Variants in VWC2L observed in about 807,000 individuals in gnomAD.
VWC2L encodes von Willebrand factor C domain containing 2 like, also known as von Willebrand factor C domain-containing protein 2-like.
Under a neutral mutation model 21.6 loss-of-function variants are expected in VWC2L, and 10 were observed. The ratio of observed to expected loss-of-function variants is 0.46; its 90% CI spans 0.29 to 0.78. The LOEUF is 0.78. Ranked by LOEUF, VWC2L falls within the 30% of genes least tolerant of loss-of-function variation. VWC2L has a pLI of 0.10. For synonymous variants in VWC2L, 96 were observed against 94.3 expected, an observed-to-expected ratio of 1.02 and a Z score of -0.10; for missense variants, 209 against 277.1, an observed-to-expected ratio of 0.75 and a Z score of 1.74.
At chr2:214,461,254 C>T (rs1298812604) in intron 3 of VWC2L, among the ~76,000 whole-genome samples, 2 of 152,138 alleles carry the variant, frequency 1.3e-5, no homozygotes, top group Non-Finnish European at 2.9e-5. Flanking sequence ...GCAGCTTGCT[C>T]AGGGGCCAGA....
At chr2:214,571,468 T>A (rs867055966) in intron 3 of VWC2L, among the ~76,000 whole-genome samples, 1 of 152,226 alleles carries the variant, frequency 6.6e-6, no homozygotes, top group Non-Finnish European at 1.5e-5. Context: ...TCATTCATTA[T>A]CAAATACTCC....
intron 3 of VWC2L, among the ~76,000 whole-genome samples, chr2:214,573,590 C>T (rs1436989126): frequency 6.6e-6 from 1 of 152,092 alleles, no homozygotes; most frequent in Non-Finnish European, 1.5e-5. Flanking sequence ...ACTGGCTGGG[C>T]TGAGAGAGGT....
intron 3 of VWC2L, among the ~76,000 whole-genome samples, chr2:214,555,712 T>G (rs1689863140): frequency 6.6e-6 from 1 of 152,176 alleles, no homozygotes; most frequent in South Asian, 2.1e-4. Context: ...GTAAAACTCA[T>G]TTTCACAAGC....
intron 3 of VWC2L, among the ~76,000 whole-genome samples, chr2:214,497,937 A>G (rs1359526736): frequency 2.6e-5 from 4 of 152,212 alleles, no homozygotes. Context: ...ATGAATAAAA[A>G]CCCAAATCTC....
chr2:214,552,732 ATCCACTTTC>A (rs1219099254), intron 3 of VWC2L, among the ~76,000 whole-genome samples: 2 of 152,126 alleles, frequency 1.3e-5, no homozygotes, highest in African/African-American at 2.4e-5. Context: ...CTTCATAGGA[ATCCACTTTC>A]ATGAATTCAA....
At chr2:214,412,580 G>A (rs958557441) in intron 1 of VWC2L, among the ~76,000 whole-genome samples, 8 of 151,736 alleles carry the variant, frequency 5.3e-5, no homozygotes, top group African/African-American at 1.5e-4. Context: ...AGAAATCATC[G>A]GCTTTATTAC....
chr2:214,412,560 A>G (rs1702295155), intron 1 of VWC2L, among the ~76,000 whole-genome samples: 1 of 152,080 alleles, frequency 6.6e-6, no homozygotes, highest in Admixed American at 6.6e-5. Context: ...TATTTTTGAC[A>G]TATTTTATAA....
At position 214,443,542 on chromosome 2, in the gene VWC2L, C is replaced by T. The variant is rs963675520; in HGVS notation, c.520+6784C>T. Among the ~76,000 whole-genome samples the T allele has an allele frequency of 7.9e-5, 12 of 152,118 alleles. No homozygotes were observed. The South Asian group carries it at 8.3e-4, about 11-fold the overall frequency. On this transcript the variant is annotated intron_variant, in intron 3 of 3. Coordinates refer to ENST00000312504, the MANE Select transcript of VWC2L (RefSeq NM_001080500.4). ...AAAGATAGTTCAATATTAGGAACCC[C>T]GTTAGTATAATTTGCCTTGTTAGTC...
At chr2:214,495,020 C>T (rs565405063) in intron 3 of VWC2L, among the ~76,000 whole-genome samples, 3 of 152,168 alleles carry the variant, frequency 2.0e-5, no homozygotes, top group Admixed American at 6.5e-5. Flanking sequence ...GTTGTGCTTT[C>T]GAAGTGTCTG....
chr2:214,564,179 A>G (rs567823677), intron 3 of VWC2L, among the ~76,000 whole-genome samples: 124 of 152,354 alleles, frequency 8.1e-4, no homozygotes, highest in African/African-American at 2.9e-3. Context: ...GGACACAAAC[A>G]AATGAGAAAA....
intron 3 of VWC2L, among the ~76,000 whole-genome samples, chr2:214,475,449 A>G (rs1213911642): frequency 6.6e-6 from 1 of 152,202 alleles, no homozygotes; most frequent in African/African-American, 2.4e-5. Context: ...ATGTTTCAAA[A>G]TATTTATTTT....
At chr2:214,463,266 T>G (rs1477867159) in intron 3 of VWC2L, among the ~76,000 whole-genome samples, 2 of 152,200 alleles carry the variant, frequency 1.3e-5, no homozygotes, top group Non-Finnish European at 2.9e-5. Context: ...TAACTTTTGC[T>G]TCTAGTACTT....
intron 3 of VWC2L, among the ~76,000 whole-genome samples, chr2:214,477,636 C>G (rs559804185): frequency 6.6e-6 from 1 of 152,212 alleles, no homozygotes; most frequent in Admixed American, 6.5e-5. Flanking sequence ...CATTTTATAG[C>G]TGAAGACACA....
Position 214,427,448 on chromosome 2 carries a change from G to T in VWC2L, c.391-9181G>T, listed in dbSNP as rs1426886417. 2.0e-5 allele frequency among the ~76,000 whole-genome samples: 3 copies of T among 152,230 alleles called. No individual in the cohort carries two copies. In the East Asian group the frequency reaches 5.8e-4, roughly 29 times the overall value. On this transcript the variant is annotated intron_variant, in intron 2 of 3. Transcript: ENST00000312504. Reference sequence around the variant, plus strand: ...GCTAAAGTTACCCTGTTAAAAATCTGTTTTTGGCAAGAATCTGATTAAAGA... The same window carrying T: ...GCTAAAGTTACCCTGTTAAAAATCTTTTTTTGGCAAGAATCTGATTAAAGA...
At chr2:214,516,177 G>A (rs1469013098) in intron 3 of VWC2L, among the ~76,000 whole-genome samples, 1 of 151,632 alleles carries the variant, frequency 6.6e-6, no homozygotes, top group Non-Finnish European at 1.5e-5. Flanking sequence ...CACCACAATT[G>A]GCAAATACTA....
intron 3 of VWC2L, among the ~76,000 whole-genome samples, chr2:214,542,189 T>G (rs776962730): frequency 6.6e-6 from 1 of 152,162 alleles, no homozygotes; most frequent in Non-Finnish European, 1.5e-5. Context: ...AGTAAAATTT[T>G]GGGAAAACAA....
chr2:214,433,700 C>T (rs1464705974), intron 2 of VWC2L, among the ~76,000 whole-genome samples: 1 of 152,216 alleles, frequency 6.6e-6, no homozygotes, highest in Admixed American at 6.5e-5. Flanking sequence ...ATGCTGCACA[C>T]TCCTAGTAAC....
chr2:214,520,812 T>C (rs1396684572), intron 3 of VWC2L, among the ~76,000 whole-genome samples: 1 of 151,702 alleles, frequency 6.6e-6, no homozygotes, highest in Non-Finnish European at 1.5e-5. Context: ...GCCAGAAAAA[T>C]AAAGGAAAGG....
At chr2:214,455,654 T>G (rs1703046195) in intron 3 of VWC2L, among the ~76,000 whole-genome samples, 1 of 152,204 alleles carries the variant, frequency 6.6e-6, no homozygotes, top group Non-Finnish European at 1.5e-5. Context: ...TCTGTTTGTT[T>G]GTACCCACCA....
Sources: allele counts gnomAD v4.1 joint callset (sites outside exome capture counted in the v4.1 genomes callset), GRCh38; gene constraint gnomAD v4.1.1; transcripts MANE v1.5; gene names NCBI Gene and HGNC (gene_info 2026-07-23, HGNC 2026-07-21).